GCNT2: variants seen among roughly 807,000 people sequenced by gnomAD.
The protein encoded by GCNT2 is glucosaminyl (N-acetyl) transferase 2 (I blood group).
GCNT2 carries 34 observed loss-of-function variants against 34.2 expected under a neutral mutation model. The ratio of observed to expected loss-of-function variants is 1.00; its 90% CI spans 0.76 to 1.32. GCNT2 has a LOEUF of 1.32. Ranked by LOEUF, GCNT2 falls within the 40% of genes most tolerant of loss-of-function variation. The probability of loss-of-function intolerance (pLI) is 0.00; values close to 1 mark genes in which losing one functional copy is unlikely to be tolerated. For missense variants in GCNT2, 584 were observed against 489.4 expected, an observed-to-expected ratio of 1.19 and a Z score of -1.82; for synonymous variants, 212 against 188.0, an observed-to-expected ratio of 1.13 and a Z score of -1.04.
At chr6:10,585,857 T>G (rs1346266294) in intron 3 of GCNT2, 1 of 1,517,202 alleles carries the variant, frequency 6.6e-7, no homozygotes, top group African/African-American at 1.4e-5. Flanking sequence ...ATTAAAGGAT[T>G]CAGGAAAGCA....
At chr6:10,523,619 G>A (rs1438929003) in intron 1 of GCNT2, among the ~76,000 whole-genome samples, 1 of 152,008 alleles carries the variant, frequency 6.6e-6, no homozygotes, top group East Asian at 1.9e-4. Context: ...CACGTTAGGT[G>A]CCCTACCTCC....
At chr6:10,585,718 G>C (rs1764312049) in intron 3 of GCNT2, 1 of 1,324,364 alleles carries the variant, frequency 7.6e-7, no homozygotes, top group Non-Finnish European at 9.8e-7. Flanking sequence ...GCTGGGCTTA[G>C]CTGAGCCTTT....
chr6:10,577,858 G>A (rs998202671), intron 3 of GCNT2, among the ~76,000 whole-genome samples: 1 of 151,850 alleles, frequency 6.6e-6, no homozygotes, highest in African/African-American at 2.4e-5. Flanking sequence ...TCCATTTAAA[G>A]CAAACGCCAG....
At chr6:10,548,226 C>G (rs1373475417) in intron 3 of GCNT2, among the ~76,000 whole-genome samples, 1 of 152,092 alleles carries the variant, frequency 6.6e-6, no homozygotes, top group African/African-American at 2.4e-5. Context: ...AGAATGAGAC[C>G]CTATCTCTAA....
chr6:10,565,774 T>A (rs1022224360), intron 3 of GCNT2, among the ~76,000 whole-genome samples: 1 of 152,130 alleles, frequency 6.6e-6, no homozygotes, highest in South Asian at 2.1e-4. Context: ...CACGTTCCAC[T>A]TCTGGCGCCG....
chr6:10,610,458 C>A (rs1006978869), intron 3 of GCNT2, among the ~76,000 whole-genome samples: 1 of 152,086 alleles, frequency 6.6e-6, no homozygotes, highest in Non-Finnish European at 1.5e-5. Flanking sequence ...CATAGGCAGG[C>A]GGCCAATGGA....
chr6:10,542,535 C>T (rs1015796607), intron 3 of GCNT2, among the ~76,000 whole-genome samples: 1 of 152,200 alleles, frequency 6.6e-6, no homozygotes, highest in African/African-American at 2.4e-5. Context: ...TTTCCACACC[C>T]AACCCCTGCT....
At chr6:10,591,708 C>G (rs1242045658) in intron 3 of GCNT2, among the ~76,000 whole-genome samples, 1 of 152,224 alleles carries the variant, frequency 6.6e-6, no homozygotes, top group African/African-American at 2.4e-5. Context: ...CACATTCATG[C>G]ACTGGGCTTC....
At chr6:10,568,976 GC>G (rs1763405688) in intron 3 of GCNT2, among the ~76,000 whole-genome samples, 1 of 151,836 alleles carries the variant, frequency 6.6e-6, no homozygotes, top group African/African-American at 2.4e-5. Context: ...CTGTTGTAAT[GC>G]TTTTATGTCA....
At chr6:10,600,448 C>T (rs1765045052) in intron 3 of GCNT2, among the ~76,000 whole-genome samples, 1 of 152,044 alleles carries the variant, frequency 6.6e-6, no homozygotes, top group Non-Finnish European at 1.5e-5. Flanking sequence ...TGTGCAGTTC[C>T]GTGTGTTTTG....
At chr6:10,574,906 C>T in intron 3 of GCNT2, 2 of 700,258 alleles carry the variant, frequency 2.9e-6, no homozygotes. Flanking sequence ...TTTCTTCAAG[C>T]GTTTCAGGAA....
At chr6:10,537,040 A>G (rs1454679677) in intron 3 of GCNT2, among the ~76,000 whole-genome samples, 2 of 152,144 alleles carry the variant, frequency 1.3e-5, no homozygotes, top group Admixed American at 6.5e-5. Context: ...CTGGGATTAC[A>G]GGTGTGAGCC....
chr6:10,594,734 A>G (rs140666264), intron 3 of GCNT2, among the ~76,000 whole-genome samples: 15 of 152,344 alleles, frequency 9.8e-5, no homozygotes, highest in East Asian at 1.9e-4. Flanking sequence ...AAATCTCACT[A>G]TAGAAGGATG....
chr6:10,532,617 A>G (rs762896221), intron 3 of GCNT2, among the ~76,000 whole-genome samples: 10 of 152,116 alleles, frequency 6.6e-5, no homozygotes, highest in Non-Finnish European at 8.8e-5. Context: ...GACTACAGGC[A>G]TGTGCCCCCA....
chr6:10,567,616 A>G (rs761621050), intron 3 of GCNT2, among the ~76,000 whole-genome samples: 1 of 152,140 alleles, frequency 6.6e-6, no homozygotes, highest in Non-Finnish European at 1.5e-5. Flanking sequence ...TACTGTACAT[A>G]TTTCTTGGAT....
At chr6:10,542,294 A>G (rs581151) in intron 3 of GCNT2, among the ~76,000 whole-genome samples, 6 of 152,106 alleles carry the variant, frequency 3.9e-5, no homozygotes, top group African/African-American at 1.4e-4. Flanking sequence ...AAGTTCTTAC[A>G]CTGCTACGCA....
intron 3 of GCNT2, among the ~76,000 whole-genome samples, chr6:10,601,362 T>C (rs920244011): frequency 4.6e-5 from 7 of 152,278 alleles, no homozygotes; most frequent in African/African-American, 1.4e-4. Context: ...GTGAACTTAA[T>C]TGGAAGAACA....
Position 10,528,825 on chromosome 6 carries a change from C to T in GCNT2, c.-87C>T, listed in dbSNP as rs1374856076. On this transcript the variant is annotated 5_prime_UTR_variant, in exon 3 of 5. Coordinates refer to ENST00000495262, the MANE Select transcript of GCNT2 (RefSeq NM_145649.5). ...GCTTCAGCCATCACGAGGATGATTT[C>T]GGAACCTGGAGAAAATGTAAGTTAA... is the stretch of plus-strand genomic sequence containing the variant. 16 of 1,099,584 alleles carry T rather than the reference C, an allele frequency of 1.5e-5. No homozygotes were observed. The highest frequency in any genetic ancestry group is 1.8e-5 in the Non-Finnish European group (13 of 718,062). The allele number at this position is 1,099,584 out of a possible 1,614,324, so 68.1% of individuals were successfully genotyped here. A position where few individuals can be genotyped will look rare whatever the true frequency, so the allele number is the denominator to read the frequency against.
At chr6:10,533,257 G>C (rs1761583690) in intron 3 of GCNT2, among the ~76,000 whole-genome samples, 1 of 151,892 alleles carries the variant, frequency 6.6e-6, no homozygotes, top group Non-Finnish European at 1.5e-5. Context: ...AGTGAGCCAA[G>C]ATCCTGCCAC....
Sources: allele counts gnomAD v4.1 joint callset (sites outside exome capture counted in the v4.1 genomes callset), GRCh38; gene constraint gnomAD v4.1.1; transcripts MANE v1.5; gene names NCBI Gene and HGNC (gene_info 2026-07-23, HGNC 2026-07-21).